The following ZSCAN25 variants were observed in gnomAD, a reference collection of about 807,000 sequenced individuals.
ZSCAN25 encodes the protein zinc finger and SCAN domain containing 25.
Under a neutral mutation model 38.7 loss-of-function variants are expected in ZSCAN25, and 27 were observed. The ratio of observed to expected loss-of-function variants is 0.70; its 90% CI spans 0.51 to 0.96. ZSCAN25 has a LOEUF of 0.96. ZSCAN25 is among the 40% of genes least tolerant of loss of function. The pLI, the probability that ZSCAN25 is intolerant of heterozygous loss-of-function variation, is 0.00. For synonymous variants in ZSCAN25, 273 were observed against 277.7 expected, an observed-to-expected ratio of 0.98 and a Z score of 0.17; for missense variants, 637 against 705.9, an observed-to-expected ratio of 0.90 and a Z score of 1.11.
At chr7:99,651,282 A>G in the ZSCAN25 span, among the ~76,000 whole-genome samples, 2 of 152,210 alleles carry the variant, frequency 1.3e-5, no homozygotes, top group African/African-American at 4.8e-5. Context: ...ATATACGTAT[A>G]TATCACATGA....
At chr7:99,677,344 T>C in the ZSCAN25 span, 1 of 694,954 alleles carries the variant, frequency 1.4e-6, no homozygotes, top group Middle Eastern at 7.2e-4. Context: ...TACAAAAATG[T>C]GGCTGAAAAA....
At chr7:99,675,650 TCCCCTCCCCTCC>T in the ZSCAN25 span, among the ~76,000 whole-genome samples, 10 of 258 alleles carry the variant, frequency 0.039, no homozygotes, top group Non-Finnish European at 0.08. Flanking sequence ...TCCTCCCCCC[TCCCCTCCCCTCC>T]CCTCCCCTCT....
At position 99,619,572 on chromosome 7, in the gene ZSCAN25, C is replaced by G; in HGVS notation, c.-35C>G. 6.4e-7 allele frequency: 1 copy of G among 1,572,960 alleles called. No individual in the cohort carries two copies. Among genetic ancestry groups the G allele is most frequent in the Non-Finnish European group, 8.6e-7 (1 of 1,159,336 alleles). ...CTTGTTCTCAAAAGGGTCATTGATGCAGTCATTCTCAGTCTCCTCGGAGGG... is the reference window on the plus strand; with the variant it reads ...CTTGTTCTCAAAAGGGTCATTGATGGAGTCATTCTCAGTCTCCTCGGAGGG... On this transcript the variant is annotated 5_prime_UTR_variant, in exon 4 of 8. Coordinates refer to ENST00000394152, the MANE Select transcript of ZSCAN25 (RefSeq NM_145115.3).
chr7:99,731,471 C>T, the ZSCAN25 span, among the ~76,000 whole-genome samples: 1 of 152,250 alleles, frequency 6.6e-6, no homozygotes, highest in Non-Finnish European at 1.5e-5. Flanking sequence ...CTTCCAGGCA[C>T]TTCATTCCCT....
chr7:99,707,822 T>C, the ZSCAN25 span: 1 of 1,613,920 alleles, frequency 6.2e-7, no homozygotes, highest in South Asian at 1.1e-5. Context: ...CTGTGTTTCT[T>C]TACAAGGTTT....
At chr7:99,730,308 C>T in the ZSCAN25 span, among the ~76,000 whole-genome samples, 16 of 152,168 alleles carry the variant, frequency 1.1e-4, no homozygotes, top group African/African-American at 3.6e-4. Context: ...AAAATAAACC[C>T]ATGAATTCAT....
chr7:99,621,569 A>T lies in ZSCAN25; in HGVS notation c.584A>T (p.Glu195Val). The part of the protein sequence containing the change: ...DPGDETRAFQ[E>V]QALPVLQAGP... ...GGAGATGAGACACGGGCCTTCCAGG[A>T]GCAAGGTGAGTAAGACGCAGATAGT... The change falls in exon 5 of 8, where the codon GAG becomes GTG. Residue 195 changes from glutamate (E) to valine (V), a missense_variant. Glu to Val is a moderately radical substitution (Grantham distance 121). Transcript: ENST00000394152. 1 of 1,451,916 alleles carries T rather than the reference A, an allele frequency of 6.9e-7. No individual in the cohort carries two copies. The highest frequency in any genetic ancestry group is 1.5e-5 in the South Asian group (1 of 67,496). The allele number at this position is 1,451,916 out of a possible 1,614,324, so 89.9% of individuals were successfully genotyped here. A position where few individuals can be genotyped will look rare whatever the true frequency, so the allele number is the denominator to read the frequency against.
chr7:99,686,024 G>T, the ZSCAN25 span, among the ~76,000 whole-genome samples: 2 of 152,206 alleles, frequency 1.3e-5, no homozygotes, highest in African/African-American at 4.8e-5. Flanking sequence ...AACTCGGGGG[G>T]TGGAGCCAAG....
the ZSCAN25 span, chr7:99,677,312 A>G: frequency 1.1e-6 from 1 of 936,842 alleles, no homozygotes; most frequent in Non-Finnish European, 1.3e-6. Context: ...AGCCCCACAC[A>G]GTTGGCTCCA....
intron 4 of ZSCAN25, 28 bp from the exon 5 acceptor site, chr7:99,621,345 T>C: frequency 7.5e-7 from 1 of 1,331,554 alleles, no homozygotes; most frequent in Non-Finnish European, 9.7e-7. Flanking sequence ...CAGGCCTCAT[T>C]CTAATCGGTG....
chr7:99,701,895 C>T, the ZSCAN25 span, among the ~76,000 whole-genome samples: 1,201 of 151,358 alleles, frequency 7.9e-3, 6 homozygotes, highest in African/African-American at 0.027. Context: ...CTGTGGTTTG[C>T]GTCTTCACTT....
Position 99,622,587 on chromosome 7 carries a change from G to T in ZSCAN25, c.628G>T (p.Val210Leu). The change falls in exon 6 of 8, where the codon GTG becomes TTG. Residue 210 changes from valine (V) to leucine (L), a missense_variant. By Grantham distance (32) the Val-to-Leu change is conservative. Coordinates refer to ENST00000394152, the MANE Select transcript of ZSCAN25 (RefSeq NM_145115.3). ...GCAGGCGGGTCCTGGCCTCCCCGCA[G>T]TGAATCCCAGAGACCAAGAGATGGC... is the stretch of plus-strand genomic sequence containing the variant. ...VLQAGPGLPA[V>L]NPRDQEMAAG... 1 of 1,614,210 alleles carries T rather than the reference G, an allele frequency of 6.2e-7. No homozygotes were observed. Among genetic ancestry groups the T allele is most frequent in the African/African-American group, 1.3e-5 (1 of 75,060 alleles).
the ZSCAN25 span, chr7:99,676,605 TC>T: frequency 2.3e-6 from 3 of 1,292,678 alleles, no homozygotes; most frequent in South Asian, 2.3e-5. Flanking sequence ...ATTTTTTTTG[TC>T]TTTTGCACTG....
At chr7:99,700,061 C>T in the ZSCAN25 span, 2 of 1,515,730 alleles carry the variant, frequency 1.3e-6, no homozygotes, top group African/African-American at 2.7e-5. Flanking sequence ...CAACTGTCTC[C>T]TCTGAGTCTT....
At chr7:99,720,777 T>C in the ZSCAN25 span, 5 of 223,348 alleles carry the variant, frequency 2.2e-5, no homozygotes, top group Non-Finnish European at 4.5e-5. Flanking sequence ...AATATTTCCC[T>C]TTATAAAGAG....
At chr7:99,684,169 A>ATT in the ZSCAN25 span, among the ~76,000 whole-genome samples, 76 of 137,088 alleles carry the variant, frequency 5.5e-4, no homozygotes, top group African/African-American at 1.7e-3. Flanking sequence ...AAAAGGCATA[A>ATT]TTTTTTTTTT....
chr7:99,697,605 G>A, the ZSCAN25 span, among the ~76,000 whole-genome samples: 2 of 152,212 alleles, frequency 1.3e-5, no homozygotes, highest in African/African-American at 4.8e-5. Context: ...CCAGACAGTT[G>A]AATGAAGACC....
the ZSCAN25 span, among the ~76,000 whole-genome samples, chr7:99,731,498 G>A: frequency 6.6e-6 from 1 of 152,192 alleles, no homozygotes; most frequent in Non-Finnish European, 1.5e-5. Flanking sequence ...TTTTTAGTAA[G>A]TGGACTCTTC....
the ZSCAN25 span, among the ~76,000 whole-genome samples, chr7:99,668,904 TA>T: frequency 6.6e-6 from 1 of 152,210 alleles, no homozygotes; most frequent in Non-Finnish European, 1.5e-5. Flanking sequence ...ATTTGGCAAG[TA>T]AAACCCAGCA....
Sources: gnomAD v4.1 joint callset for allele counts (sites outside exome capture counted in the v4.1 genomes callset) on GRCh38, gnomAD v4.1.1 for gene constraint, MANE v1.5 for transcripts, NCBI Gene and HGNC (gene_info 2026-07-23, HGNC 2026-07-21) for gene names.